Variants in PIK3C2A observed in about 807,000 individuals in gnomAD.
PIK3C2A encodes phosphatidylinositol 4-phosphate 3-kinase C2 domain-containing subunit alpha.
In PIK3C2A, 97 loss-of-function variants were observed where a neutral mutation model predicts 204.5. The observed-to-expected ratio is 0.47, with a 90% CI of 0.40 to 0.56. The LOEUF (loss-of-function observed/expected upper bound fraction) is 0.56. Ranked by LOEUF, PIK3C2A falls within the 20% of genes least tolerant of loss-of-function variation. The pLI, the probability that PIK3C2A is intolerant of heterozygous loss-of-function variation, is 0.00. For missense variants in PIK3C2A, 1,735 were observed against 1,969.2 expected (o/e 0.88, Z 2.25); for synonymous variants, 653 against 664.4 (o/e 0.98, Z 0.26).
At chr11:17,096,678 A>T (rs936722531) in intron 27 of PIK3C2A, among the ~76,000 whole-genome samples, 1 of 152,238 alleles carries the variant, frequency 6.6e-6, no homozygotes, top group African/African-American at 2.4e-5. Context: ...GCAACAAAAA[A>T]GATAACACTA....
chr11:17,169,486 T>G lies in PIK3C2A; in HGVS notation c.256A>C (p.Arg86=). 1 of 1,613,236 alleles carries G rather than the reference T, an allele frequency of 6.2e-7. No homozygotes were observed. Among genetic ancestry groups the G allele is most frequent in the Non-Finnish European group, 8.5e-7 (1 of 1,179,442 alleles). The change falls in exon 2 of 33, where the codon AGA becomes CGA. Residue 86 remains arginine, a synonymous_variant. Coordinates refer to ENST00000691414, the MANE Select transcript of PIK3C2A (RefSeq NM_002645.4). The part of the protein sequence containing the change: ...MVFPESDSQK[R]ALDIDVEKLT... ...TTTTCTACATCAATATCTAATGCTC[T>G]TTTTTGGGAATCTGATTCAGGAAAC...
rs866721449 is a variant in PIK3C2A, at chr11:17,092,305, A to G, written c.4452-29T>C. The G allele has an allele frequency of 4.1e-6, 4 of 969,056 alleles. No individual in the cohort carries two copies. The Middle Eastern group carries it at 9.0e-4, about 217-fold the overall frequency. 60.0% of individuals were successfully genotyped at this position (969,056 alleles called of 1,614,324 possible). A position where few individuals can be genotyped will look rare whatever the true frequency, so the allele number is the denominator to read the frequency against. On this transcript the variant is annotated intron_variant, in intron 28 of 32. Coordinates refer to ENST00000691414, the MANE Select transcript of PIK3C2A (RefSeq NM_002645.4). ...CAAAAGAAAAACAAAAACAAGTGGGATTTAAATAAGTACAATATTTCCTTA... is the reference window on the plus strand; with the variant it reads ...CAAAAGAAAAACAAAAACAAGTGGGGTTTAAATAAGTACAATATTTCCTTA...
intron 3 of PIK3C2A, among the ~76,000 whole-genome samples, chr11:17,153,090 A>G (rs1464019367): frequency 6.6e-6 from 1 of 152,136 alleles, no homozygotes; most frequent in East Asian, 1.9e-4. Flanking sequence ...ATCCTAAAGG[A>G]CCACAAATAA....
At chr11:17,160,130 C>T (rs908611496) in intron 2 of PIK3C2A, among the ~76,000 whole-genome samples, 8 of 152,206 alleles carry the variant, frequency 5.3e-5, no homozygotes, top group African/African-American at 1.7e-4. Context: ...AATTAACCAT[C>T]ACAGCATCTC....
chr11:17,122,380 C>G (rs1256214938), intron 14 of PIK3C2A, 47 bp from the exon 15 acceptor site: 1 of 1,142,740 alleles, frequency 8.8e-7, no homozygotes, highest in African/African-American at 1.6e-5. Flanking sequence ...TACGTATTTG[C>G]CACATTAACC....
intron 20 of PIK3C2A, among the ~76,000 whole-genome samples, chr11:17,113,984 G>A (rs1849085825): frequency 6.6e-6 from 1 of 151,972 alleles, no homozygotes. Context: ...GGAGGATGAG[G>A]CAGGAGAATC....
At position 17,122,382 on chromosome 11, in the gene PIK3C2A, A is replaced by C. The variant is rs199791698; in HGVS notation, c.2512-49T>G. On this transcript the variant is annotated intron_variant, in intron 14 of 32. Coordinates refer to ENST00000691414, the MANE Select transcript of PIK3C2A (RefSeq NM_002645.4). ...TCAAATTACAGTCTACGTATTTGCC[A>C]CATTAACCTCTTTGTCTTTAAGAAA... is the stretch of plus-strand genomic sequence containing the variant. The C allele has an allele frequency of 9.0e-5, 103 of 1,145,584 alleles. 1 individual carries two copies. The Middle Eastern group carries it at 1.1e-3, about 13-fold the overall frequency. 71.0% of individuals were successfully genotyped at this position (1,145,584 alleles called of 1,614,324 possible). A position where few individuals can be genotyped will look rare whatever the true frequency, so the allele number is the denominator to read the frequency against.
chr11:17,185,269 T>TTTA (rs1438606113), intron 1 of PIK3C2A, among the ~76,000 whole-genome samples: 3 of 152,240 alleles, frequency 2.0e-5, no homozygotes, highest in African/African-American at 7.2e-5. Context: ...ATGTACAGCA[T>TTTA]TTAATATATG....
At chr11:17,160,247 A>G (rs1254891688) in intron 2 of PIK3C2A, among the ~76,000 whole-genome samples, 2 of 152,200 alleles carry the variant, frequency 1.3e-5, no homozygotes, top group Admixed American at 1.3e-4. Flanking sequence ...AGGGAAAACA[A>G]GTAAAGCATT....
intron 2 of PIK3C2A, among the ~76,000 whole-genome samples, chr11:17,162,346 A>C (rs889064986): frequency 5.9e-5 from 9 of 152,022 alleles, no homozygotes; most frequent in East Asian, 1.9e-4. Context: ...ATCTAAAAAA[A>C]AAAAACAAAA....
intron 1 of PIK3C2A, among the ~76,000 whole-genome samples, chr11:17,187,023 C>T (rs1181039804): frequency 6.6e-6 from 1 of 152,040 alleles, no homozygotes; most frequent in Non-Finnish European, 1.5e-5. Context: ...TCCCTAGTGC[C>T]TGGGTGATAG....
chr11:17,186,016 T>A (rs1007783636), intron 1 of PIK3C2A, among the ~76,000 whole-genome samples: 2 of 152,174 alleles, frequency 1.3e-5, no homozygotes, highest in African/African-American at 4.8e-5. Flanking sequence ...GGCACACTAA[T>A]ATTTGGCCCC....
intron 16 of PIK3C2A, 35 bp downstream of exon 16, chr11:17,119,750 CA>C (rs778116145): frequency 7.5e-7 from 1 of 1,340,372 alleles, no homozygotes; most frequent in Non-Finnish European, 1.0e-6. Flanking sequence ...GAAAAACTGA[CA>C]ATAAAACAAG....
intron 19 of PIK3C2A, 68 bp from the exon 20 acceptor site, chr11:17,114,533 G>A: frequency 1.4e-6 from 1 of 735,690 alleles, no homozygotes; most frequent in Non-Finnish European, 2.4e-6. Context: ...GACAAGTTAT[G>A]CTGTGGATAC....
intron 18 of PIK3C2A, 51 bp from the exon 19 acceptor site, chr11:17,117,722 T>G (rs1426849171): frequency 8.3e-7 from 1 of 1,200,662 alleles, no homozygotes; most frequent in Non-Finnish European, 1.2e-6. Context: ...TTTTTTTTTT[T>G]TTTTTTTTTT....
intron 27 of PIK3C2A, among the ~76,000 whole-genome samples, chr11:17,096,329 C>T (rs1159858760): frequency 5.9e-5 from 9 of 152,238 alleles, no homozygotes; most frequent in South Asian, 4.1e-4. Flanking sequence ...TGAGCCACTG[C>T]GCCCGGCCTA....
In PIK3C2A at chr11:17,131,966, CTTT is replaced by C. The variant is rs1328113699; in HGVS notation, c.2178_2180del (p.Lys728del). On this transcript the variant is annotated inframe_deletion, in exon 12 of 33. Transcript: ENST00000691414. ...AGAAATTCTTGTAAGTGCCAACCTT[CTTT>C]GATTGAATAGGTTTAAAAAGATCCT... The C allele has an allele frequency of 6.3e-7, 1 of 1,586,940 alleles. No individual in the cohort carries two copies. The highest frequency in any genetic ancestry group is 8.6e-7 in the Non-Finnish European group (1 of 1,159,568).
At chr11:17,150,438 T>C (rs1285406979) in intron 4 of PIK3C2A, 60 bp downstream of exon 4, 2 of 1,381,786 alleles carry the variant, frequency 1.4e-6, no homozygotes, top group Admixed American at 2.7e-5. Flanking sequence ...ATAATATTGA[T>C]ATTTTAAACA....
chr11:17,121,849 T>TA (rs879736825), intron 15 of PIK3C2A, among the ~76,000 whole-genome samples: 107 of 151,922 alleles, frequency 7.0e-4, no homozygotes, highest in Non-Finnish European at 1.2e-3. Context: ...TCCTTACGGT[T>TA]AAAAAAATCT....
Sources: allele counts gnomAD v4.1 joint callset (sites outside exome capture counted in the v4.1 genomes callset), GRCh38; gene constraint gnomAD v4.1.1; transcripts MANE v1.5; gene names NCBI Gene and HGNC (gene_info 2026-07-23, HGNC 2026-07-21).